Variants in ATP10B observed in about 807,000 individuals in gnomAD.
ATP10B encodes ATPase phospholipid transporting 10B (putative), also known as phospholipid-transporting ATPase VB.
ATP10B carries 122 observed loss-of-function variants against 141.2 expected under a neutral mutation model. The observed-to-expected ratio is 0.86, with a 90% CI of 0.75 to 1.00. The LOEUF is 1.00. Ranked by LOEUF, ATP10B falls within the 50% of genes least tolerant of loss-of-function variation. The pLI is 0.00. For missense variants in ATP10B, 1,876 were observed against 1,825.3 expected, an observed-to-expected ratio of 1.03 and a Z score of -0.51; for synonymous variants, 685 against 692.0, an observed-to-expected ratio of 0.99 and a Z score of 0.16.
chr5:160,709,753 T>C (rs1581395622), intron 3 of ATP10B, among the ~76,000 whole-genome samples: 1 of 77,176 alleles, frequency 1.3e-5, no homozygotes, highest in Non-Finnish European at 2.5e-5. Context: ...ATGCTATCCC[T>C]CCCCCCCTCC....
chr5:160,911,542 C>A, the ATP10B span, among the ~76,000 whole-genome samples: 1 of 152,164 alleles, frequency 6.6e-6, no homozygotes, highest in Non-Finnish European at 1.5e-5. Context: ...TAATCCTCGA[C>A]TTTGGTTTTG....
intron 7 of ATP10B, among the ~76,000 whole-genome samples, chr5:160,654,643 G>T (rs1361759888): frequency 6.6e-6 from 1 of 152,096 alleles, no homozygotes; most frequent in Non-Finnish European, 1.5e-5. Flanking sequence ...CTCATGGTTG[G>T]TAAGTAACAG....
chr5:160,604,930 T>A (rs1757299306), intron 19 of ATP10B, among the ~76,000 whole-genome samples: 1 of 152,262 alleles, frequency 6.6e-6, no homozygotes, highest in African/African-American at 2.4e-5. Flanking sequence ...CTCTCCCCAG[T>A]GCTTTTTCTG....
intron 7 of ATP10B, among the ~76,000 whole-genome samples, chr5:160,652,602 G>A (rs1760830061): frequency 7.1e-6 from 1 of 141,018 alleles, no homozygotes; most frequent in South Asian, 2.2e-4. Context: ...GGGACTACAG[G>A]CGTGCACCAC....
chr5:160,671,969 CTTTTTTTTTTT>C (rs70990741), intron 6 of ATP10B, among the ~76,000 whole-genome samples: 5 of 68,388 alleles, frequency 7.3e-5, no homozygotes, highest in South Asian at 7.4e-4. Context: ...GCAATGCATC[CTTTTTTTTTTT>C]TTTTTTTTTT....
intron 2 of ATP10B, among the ~76,000 whole-genome samples, chr5:160,776,423 C>A (rs558174383): frequency 6.6e-6 from 1 of 152,330 alleles, no homozygotes; most frequent in African/African-American, 2.4e-5. Context: ...TACTATATGC[C>A]AGGCACTGGC....
intron 2 of ATP10B, among the ~76,000 whole-genome samples, chr5:160,752,942 T>G (rs1395206032): frequency 6.6e-6 from 1 of 152,224 alleles, no homozygotes; most frequent in Non-Finnish European, 1.5e-5. Context: ...CCTACACCCA[T>G]CAGTTCCTCT....
chr5:160,867,340 TAGG>T, the ATP10B span, among the ~76,000 whole-genome samples: 3 of 152,044 alleles, frequency 2.0e-5, no homozygotes, highest in African/African-American at 7.2e-5. Context: ...GGGAGACAAC[TAGG>T]AGAACTTACT....
chr5:160,605,736 G>A (rs1416387906), intron 19 of ATP10B, among the ~76,000 whole-genome samples: 1 of 152,186 alleles, frequency 6.6e-6, no homozygotes, highest in Non-Finnish European at 1.5e-5. Context: ...GTAGGAGGAG[G>A]AGAGGCTGGC....
rs967533085 is a variant in ATP10B, at chr5:160,629,454, T to C, written c.1620+2675A>G. On this transcript the variant is annotated intron_variant, in intron 13 of 25. Transcript: ENST00000327245. The stretch of plus-strand genomic sequence containing the variant: ...GGCCTGCTTATGGAGGGTCCCCATC[T>C]TGGCTGCTCCTTAGAATTATCAGAA... Among the ~76,000 whole-genome samples, 30 of 152,334 alleles carry C rather than the reference T, an allele frequency of 2.0e-4. 1 individual carries two copies. The highest frequency in any genetic ancestry group is 6.7e-4 in the African/African-American group (28 of 41,570).
At chr5:160,706,939 T>G (rs2163760) in intron 3 of ATP10B, among the ~76,000 whole-genome samples, 2 of 151,956 alleles carry the variant, frequency 1.3e-5, no homozygotes, top group African/African-American at 4.8e-5. Context: ...GTTGGTTTGT[T>G]TTAATATTTA....
chr5:160,917,312 C>A, the ATP10B span, among the ~76,000 whole-genome samples: 7 of 140,706 alleles, frequency 5.0e-5, no homozygotes, highest in African/African-American at 2.0e-4. Flanking sequence ...TTACTGTAAC[C>A]AGGCCACCAC....
At chr5:160,673,084 C>T (rs1762812995) in intron 6 of ATP10B, among the ~76,000 whole-genome samples, 1 of 152,190 alleles carries the variant, frequency 6.6e-6, no homozygotes, top group African/African-American at 2.4e-5. Context: ...GCTCTGGGAG[C>T]TCAGTGCAGC....
At chr5:160,586,083 A>G (rs1352269724) in intron 24 of ATP10B, among the ~76,000 whole-genome samples, 1 of 152,172 alleles carries the variant, frequency 6.6e-6, no homozygotes, top group Non-Finnish European at 1.5e-5. Flanking sequence ...CTAGGTTTTA[A>G]GCCCTGCATG....
intron 7 of ATP10B, among the ~76,000 whole-genome samples, chr5:160,653,159 AAT>A (rs1180866535): frequency 1.5e-5 from 2 of 132,470 alleles, no homozygotes; most frequent in African/African-American, 2.8e-5. Context: ...ATAAATACAT[AAT>A]ATATATTATA....
At chr5:160,627,455 G>C (rs947996085) in intron 13 of ATP10B, among the ~76,000 whole-genome samples, 5 of 152,186 alleles carry the variant, frequency 3.3e-5, no homozygotes, top group Non-Finnish European at 5.9e-5. Context: ...TAAATGAAAG[G>C]CTCTTCTAAA....
Position 160,606,975 on chromosome 5 carries a change from A to G in ATP10B, c.2950T>C (p.Ser984Pro), listed in dbSNP as rs2127631748. ...GGAACCACAGCTTCTGAGGTGATGG[A>G]TGGTGTCTTGGAAGGTAAGCGGAAT... The part of the protein sequence containing the change: ...FGFRLPSKTP[S>P]ITSEAVVPEA... Residue 984 changes from serine (S) to proline (P), a missense_variant, in exon 19 of 26, where the codon TCC becomes CCC. Transcript: ENST00000327245. 1 of 1,614,168 alleles carries G rather than the reference A, an allele frequency of 6.2e-7. No individual in the cohort carries two copies. Among genetic ancestry groups the G allele is most frequent in the Non-Finnish European group, 8.5e-7 (1 of 1,180,020 alleles).
At chr5:160,925,808 G>A in the ATP10B span, among the ~76,000 whole-genome samples, 284 of 152,284 alleles carry the variant, frequency 1.9e-3, 1 homozygote, top group African/African-American at 5.9e-3. Context: ...ATGAAATTAG[G>A]AAAATAGGAG....
intron 1 of ATP10B, among the ~76,000 whole-genome samples, chr5:160,803,937 T>TC (rs1189124349): frequency 6.6e-6 from 1 of 151,986 alleles, no homozygotes; most frequent in Non-Finnish European, 1.5e-5. Context: ...ATTTTTTTTT[T>TC]CAACGTTGCC....
Sources: allele counts gnomAD v4.1 joint callset (sites outside exome capture counted in the v4.1 genomes callset), GRCh38; gene constraint gnomAD v4.1.1; transcripts MANE v1.5; gene names NCBI Gene and HGNC (gene_info 2026-07-23, HGNC 2026-07-21).